MACROD2: variants seen among roughly 807,000 people sequenced by gnomAD.
MACROD2 encodes mono-ADP ribosylhydrolase 2.
Under a neutral mutation model 70.4 loss-of-function variants are expected in MACROD2, and 36 were observed. The ratio of observed to expected loss-of-function variants is 0.51; its 90% CI spans 0.39 to 0.68. MACROD2 has a LOEUF of 0.68. Ranked by LOEUF, MACROD2 falls within the 30% of genes least tolerant of loss-of-function variation. MACROD2 has a pLI of 0.00. For synonymous variants in MACROD2, 172 were observed against 178.8 expected (o/e 0.96, Z 0.30); for missense variants, 496 against 538.4 (o/e 0.92, Z 0.78).
intron 3 of MACROD2, among the ~76,000 whole-genome samples, chr20:14,285,979 C>CA (rs5840605): frequency 2.5e-4 from 36 of 143,384 alleles, no homozygotes; most frequent in Admixed American, 4.9e-4. Context: ...ACTCTGCAGC[C>CA]AAAAAAAAAA....
At chr20:14,071,455 T>C (rs957180563) in intron 2 of MACROD2, among the ~76,000 whole-genome samples, 5 of 151,640 alleles carry the variant, frequency 3.3e-5, no homozygotes, top group Admixed American at 6.6e-5. Context: ...AGAGACAGGG[T>C]TTCACCATGT....
At chr20:15,905,008 A>G (rs1003232145) in intron 10 of MACROD2, among the ~76,000 whole-genome samples, 1 of 152,086 alleles carries the variant, frequency 6.6e-6, no homozygotes, top group Non-Finnish European at 1.5e-5. Flanking sequence ...CCTGAATTCT[A>G]TTTTCATCCC....
rs150821468 is a variant in MACROD2, at chr20:14,486,884, A to C, written c.272-6595A>C. 7.2e-3 allele frequency among the ~76,000 whole-genome samples: 1,090 copies of C among 152,240 alleles called. 5 individuals carry two copies. The highest frequency in any genetic ancestry group is 0.012 in the Non-Finnish European group (786 of 68,014). On this transcript the variant is annotated intron_variant, in intron 3 of 17. Coordinates refer to ENST00000684519, the MANE Select transcript of MACROD2 (RefSeq NM_001351661.2). ...AGAGGAAAACATAGATAATATGCAA[A>C]ATATTGATATCCATTTACTTTATGG...
intron 3 of MACROD2, among the ~76,000 whole-genome samples, chr20:14,235,017 G>C (rs931183663): frequency 2.0e-5 from 3 of 151,842 alleles, no homozygotes; most frequent in African/African-American, 7.3e-5. Context: ...TTTTTAATGT[G>C]AAAAAAAGAG....
chr20:15,098,048 TA>T (rs2075846719), intron 5 of MACROD2, among the ~76,000 whole-genome samples: 1 of 152,108 alleles, frequency 6.6e-6, no homozygotes, highest in Non-Finnish European at 1.5e-5. Context: ...AGCTGCCAAA[TA>T]AACTTAAACA....
chr20:16,011,534 G>A lies in MACROD2; in HGVS notation c.1153+24376G>A, dbSNP rs192458465. ...TAAGATGGGATTTATTTGGGGGAAT[G>A]CAAGGAGTTTATTAAAGGAAATGCC... On this transcript the variant is annotated intron_variant, in intron 15 of 17. Transcript: ENST00000684519. 3.9e-5 allele frequency among the ~76,000 whole-genome samples: 6 copies of A among 152,342 alleles called. No homozygotes were observed. The East Asian group carries it at 1.2e-3, about 29-fold the overall frequency.
chr20:14,992,403 A>G (rs1015205702), intron 5 of MACROD2, among the ~76,000 whole-genome samples: 2 of 152,168 alleles, frequency 1.3e-5, no homozygotes, highest in Non-Finnish European at 2.9e-5. Context: ...AGCAGACTTG[A>G]TTGTCTAACA....
chr20:15,941,178 C>T lies in MACROD2; in HGVS notation c.907+3634C>T, dbSNP rs993961877. Among the ~76,000 whole-genome samples, 5 of 152,054 alleles carry T rather than the reference C, an allele frequency of 3.3e-5. No homozygotes were observed. The East Asian group carries it at 9.6e-4, about 29-fold the overall frequency. On this transcript the variant is annotated intron_variant, in intron 12 of 17. Transcript: ENST00000684519. The stretch of plus-strand genomic sequence containing the variant: ...ATGATGGTAACTCCATGAAGGAGTT[C>T]TGTCATGTATCACAAATGCAGTTCC...
intron 8 of MACROD2, among the ~76,000 whole-genome samples, chr20:15,739,385 T>G (rs2051071401): frequency 1.3e-5 from 2 of 152,176 alleles, no homozygotes; most frequent in African/African-American, 2.4e-5. Context: ...ATTCAGTTTC[T>G]ACCCAGAGAG....
chr20:15,137,504 A>G (rs1470249518), intron 5 of MACROD2, among the ~76,000 whole-genome samples: 2 of 143,518 alleles, frequency 1.4e-5, no homozygotes, highest in East Asian at 4.4e-4. Flanking sequence ...GTGGGAATTG[A>G]ACAATGAGAA....
At chr20:15,109,464 G>A (rs1378755196) in intron 5 of MACROD2, among the ~76,000 whole-genome samples, 1 of 152,152 alleles carries the variant, frequency 6.6e-6, no homozygotes, top group African/African-American at 2.4e-5. Flanking sequence ...AGTGCTTAAT[G>A]TGGAAGAGGT....
chr20:14,984,972 T>G (rs1344425956), intron 5 of MACROD2, among the ~76,000 whole-genome samples: 1 of 152,222 alleles, frequency 6.6e-6, no homozygotes, highest in Non-Finnish European at 1.5e-5. Context: ...CCCTTGTCTC[T>G]GGGAGTTAGC....
intron 12 of MACROD2, among the ~76,000 whole-genome samples, chr20:15,960,424 T>A (rs1175060719): frequency 6.6e-6 from 1 of 152,212 alleles, no homozygotes; most frequent in Non-Finnish European, 1.5e-5. Context: ...TATTTGCTAC[T>A]AAGTGGTAGG....
intron 5 of MACROD2, among the ~76,000 whole-genome samples, chr20:14,967,443 C>T (rs1470895030): frequency 6.6e-6 from 1 of 152,068 alleles, no homozygotes; most frequent in African/African-American, 2.4e-5. Flanking sequence ...AGATTACAGG[C>T]GTGAGCCACC....
chr20:14,843,163 CTT>C (rs11389584), intron 5 of MACROD2, among the ~76,000 whole-genome samples: 4 of 119,248 alleles, frequency 3.4e-5, no homozygotes, highest in Admixed American at 9.0e-5. Context: ...TGTTCATTAA[CTT>C]TTTTTTTTTT....
At chr20:14,579,656 C>G (rs1407222951) in intron 4 of MACROD2, among the ~76,000 whole-genome samples, 1 of 152,008 alleles carries the variant, frequency 6.6e-6, no homozygotes, top group Non-Finnish European at 1.5e-5. Flanking sequence ...TTAACTTTGT[C>G]TTTTTAAATA....
intron 5 of MACROD2, among the ~76,000 whole-genome samples, chr20:15,085,887 CA>C (rs2075745056): frequency 6.6e-6 from 1 of 150,884 alleles, no homozygotes; most frequent in Non-Finnish European, 1.5e-5. Flanking sequence ...CACACACACA[CA>C]CACACACACA....
At chr20:14,672,098 C>A (rs2070802157) in intron 4 of MACROD2, among the ~76,000 whole-genome samples, 1 of 152,156 alleles carries the variant, frequency 6.6e-6, no homozygotes, top group Admixed American at 6.6e-5. Flanking sequence ...TGTAACAAAC[C>A]ACTTCCAAAG....
At chr20:15,061,420 T>C (rs926370311) in intron 5 of MACROD2, among the ~76,000 whole-genome samples, 10 of 152,278 alleles carry the variant, frequency 6.6e-5, no homozygotes, top group African/African-American at 2.4e-4. Context: ...CTAGTCTGTC[T>C]CCCCAAGCTC....
Sources: allele counts gnomAD v4.1 joint callset (sites outside exome capture counted in the v4.1 genomes callset), GRCh38; gene constraint gnomAD v4.1.1; transcripts MANE v1.5; gene names NCBI Gene and HGNC (gene_info 2026-07-23, HGNC 2026-07-21).